The following COL9A2 variants were observed in gnomAD, a reference collection of about 807,000 sequenced individuals.
The protein encoded by COL9A2 is collagen alpha-2(IX) chain.
In COL9A2, 66 loss-of-function variants were observed where a neutral mutation model predicts 111.6. That is an observed-to-expected ratio of 0.59 (90% CI 0.48 to 0.73). The LOEUF (loss-of-function observed/expected upper bound fraction) is 0.73, where lower values mean the gene tolerates loss of function less well. Ranked by LOEUF, COL9A2 falls within the 30% of genes least tolerant of loss-of-function variation. The pLI, the probability that COL9A2 is intolerant of heterozygous loss-of-function variation, is 0.00. For synonymous variants in COL9A2, 353 were observed against 364.1 expected (o/e 0.97, Z 0.35); for missense variants, 881 against 954.1 (o/e 0.92, Z 1.01).
Position 40,311,575 on chromosome 1 carries a change from G to A in COL9A2, c.472-28C>T. ...GAGAGGAGACATGAAGATGGAGCTT[G>A]GCCTGACCCTTTCCCGCCGCAGGCT... On this transcript the variant is annotated intron_variant, in intron 9 of 31. Transcript: ENST00000372748. The surrounding 1 kb of genome is among the most constrained non-coding windows in gnomAD (Gnocchi z 5.1). The A allele has an allele frequency of 6.2e-7, 1 of 1,613,850 alleles. No individual in the cohort carries two copies. Among genetic ancestry groups the A allele is most frequent in the Non-Finnish European group, 8.5e-7 (1 of 1,179,936 alleles).
In COL9A2 at chr1:40,314,811, G is replaced by A. The variant is rs1048612817; in HGVS notation, c.151-424C>T. Among the ~76,000 whole-genome samples, 3 of 152,154 alleles carry A rather than the reference G, an allele frequency of 2.0e-5. No homozygotes were observed. The highest frequency in any genetic ancestry group is 7.2e-5 in the African/African-American group (3 of 41,446). On this transcript the variant is annotated intron_variant, in intron 2 of 31. Coordinates refer to ENST00000372748, the MANE Select transcript of COL9A2 (RefSeq NM_001852.4). The surrounding 1 kb of genome is among the most constrained non-coding windows in gnomAD (Gnocchi z 4.1). Reference sequence around the variant, plus strand: ...AGCTCTATTCCAGACTGCAGGGCAGGAGAACGGGAAGCTGAGCCAGTGGCA... The same window carrying A: ...AGCTCTATTCCAGACTGCAGGGCAGAAGAACGGGAAGCTGAGCCAGTGGCA...
chr1:40,313,592 G>A (rs1370463905), intron 4 of COL9A2, among the ~76,000 whole-genome samples: 6 of 152,182 alleles, frequency 3.9e-5, no homozygotes, highest in Non-Finnish European at 8.8e-5. Flanking sequence ...GAGTTTGAAG[G>A]GGTCCTGGTG....
chr1:40,314,466 G>T lies in COL9A2; in HGVS notation c.151-79C>A, dbSNP rs965446682. ...GGGCACACACAGGCCCTGGCAGGCC[G>T]CTCCCAAAGGCTCTCCTCACTCTCC... is the stretch of plus-strand genomic sequence containing the variant. On this transcript the variant is annotated intron_variant, in intron 2 of 31. Transcript: ENST00000372748. The surrounding 1 kb of genome is among the most constrained non-coding windows in gnomAD (Gnocchi z 4.1). 5.9e-6 allele frequency: 9 copies of T among 1,524,668 alleles called. No individual in the cohort carries two copies. In the African/African-American group the frequency reaches 9.6e-5, roughly 16 times the overall value. 94.4% of individuals were successfully genotyped at this position (1,524,668 alleles called of 1,614,324 possible).
In COL9A2 at chr1:40,311,555, G is replaced by A. The variant is rs773140717; in HGVS notation, c.472-8C>T. On this transcript the variant is annotated splice_polypyrimidine_tract_variant and splice_region_variant and intron_variant, in intron 9 of 31. Transcript: ENST00000372748. This position sits in a 1 kb window ranked among gnomAD's most constrained non-coding sequence, Gnocchi z 5.1. Reference sequence around the variant, plus strand: ...GATGGTTCCCGGGCGACCCTGAGAGGAGACATGAAGATGGAGCTTGGCCTG... The same window carrying A: ...GATGGTTCCCGGGCGACCCTGAGAGAAGACATGAAGATGGAGCTTGGCCTG... 2 of 1,613,914 alleles carry A rather than the reference G, an allele frequency of 1.2e-6. No homozygotes were observed. Among genetic ancestry groups the A allele is most frequent in the Admixed American group, 1.7e-5 (1 of 60,010 alleles).
rs1475617561 is a variant in COL9A2 at position 40,307,622 on chromosome 1, G to A, written c.954+81C>T. ...AAGAAAGGGCATGTCCATGACCTGA[G>A]GACCCCAGGCTCTTGGTGTCTAGAA... On this transcript the variant is annotated intron_variant, in intron 18 of 31. Coordinates refer to ENST00000372748, the MANE Select transcript of COL9A2 (RefSeq NM_001852.4). The surrounding 1 kb of genome is among the most constrained non-coding windows in gnomAD (Gnocchi z 4.8). 4.4e-6 allele frequency: 7 copies of A among 1,589,076 alleles called. No individual in the cohort carries two copies. The African/African-American group carries it at 8.1e-5, about 18-fold the overall frequency.
chr1:40,311,626 T>C lies in COL9A2; in HGVS notation c.471+36A>G, dbSNP rs781504571. On this transcript the variant is annotated intron_variant, in intron 9 of 31. Coordinates refer to ENST00000372748, the MANE Select transcript of COL9A2 (RefSeq NM_001852.4). The surrounding 1 kb of genome is among the most constrained non-coding windows in gnomAD (Gnocchi z 5.1). ...TGCTCAAAGACCCTTCTCCTTCCCC[T>C]GCACTTTGCCATGTCGGGGGTCTGG... is the stretch of plus-strand genomic sequence containing the variant. 1 of 1,613,538 alleles carries C rather than the reference T, an allele frequency of 6.2e-7. No individual in the cohort carries two copies. Among genetic ancestry groups the C allele is most frequent in the African/African-American group, 1.3e-5 (1 of 75,008 alleles).
rs962801227 is a variant in COL9A2 at position 40,316,901 on chromosome 1, G to C, written c.75+222C>G. On this transcript the variant is annotated intron_variant, in intron 1 of 31. Coordinates refer to ENST00000372748, the MANE Select transcript of COL9A2 (RefSeq NM_001852.4). This position sits in a 1 kb window ranked among gnomAD's most constrained non-coding sequence, Gnocchi z 5.5. ...TGTCCCGGGCCGGGCCGCGCGTCTGGGGACGGGTCCCGTTTGACTCTCCGG... is the reference window on the plus strand; with the variant it reads ...TGTCCCGGGCCGGGCCGCGCGTCTGCGGACGGGTCCCGTTTGACTCTCCGG... Among the ~76,000 whole-genome samples the C allele has an allele frequency of 1.3e-5, 2 of 152,168 alleles. No individual in the cohort carries two copies. Among genetic ancestry groups the C allele is most frequent in the Admixed American group, 6.5e-5 (1 of 15,292 alleles).
chr1:40,309,222 A>T (rs1321923304), intron 16 of COL9A2, among the ~76,000 whole-genome samples: 1 of 152,196 alleles, frequency 6.6e-6, no homozygotes, highest in African/African-American at 2.4e-5. Context: ...CCTGGGCAAC[A>T]AGAATAAAAC....
In COL9A2 at chr1:40,304,380, C is replaced by T. The variant is rs1340990569; in HGVS notation, c.1227G>A (p.Gly409=). ...CTGGAATTCCGGGGGGGCCCTGCTC[C>T]CCCTTAGGGCCCTGAGGAGAAAAGA... ...PGPQGRQGPK[G]EQGPPGIPGP... The change falls in exon 24 of 32, where the codon GGG becomes GGA. Residue 409 remains glycine (G), a synonymous_variant. Coordinates refer to ENST00000372748, the MANE Select transcript of COL9A2 (RefSeq NM_001852.4). 2 of 1,595,024 alleles carry T rather than the reference C, an allele frequency of 1.3e-6. No individual in the cohort carries two copies. The highest frequency in any genetic ancestry group is 1.8e-5 in the Admixed American group (1 of 56,616).
At chr1:40,308,342 C>T (rs1336368916) in intron 16 of COL9A2, 97 bp from the exon 17 acceptor site, 2 of 1,298,440 alleles carry the variant, frequency 1.5e-6, no homozygotes, top group East Asian at 2.5e-5. Context: ...CCTCTAGGTC[C>T]CAGAGTTCCT....
At position 40,310,647 on chromosome 1, in the gene COL9A2, GGAA is replaced by G; in HGVS notation, c.684+64_684+66del. The G allele has an allele frequency of 7.3e-7, 1 of 1,362,244 alleles. No homozygotes were observed. The highest frequency in any genetic ancestry group is 1.8e-4 in the Middle Eastern group (1 of 5,428). 84.4% of individuals were successfully genotyped at this position (1,362,244 alleles called of 1,614,324 possible). A position where few individuals can be genotyped will look rare whatever the true frequency, so the allele number is the denominator to read the frequency against. On this transcript the variant is annotated intron_variant, in intron 13 of 31. Coordinates refer to ENST00000372748, the MANE Select transcript of COL9A2 (RefSeq NM_001852.4). The surrounding 1 kb of genome is among the most constrained non-coding windows in gnomAD (Gnocchi z 4.9). ...TTTACAAGCTAGAGGCCTGAGCAGG[GGAA>G]TGACTCCATGAAGGGCTCCTGGGGT...
At chr1:40,304,573 G>T (rs1198880023) in intron 22 of COL9A2, 44 bp from the exon 23 acceptor site, 1 of 1,610,708 alleles carries the variant, frequency 6.2e-7, no homozygotes, top group African/African-American at 1.3e-5. Context: ...GCTCTCAGCA[G>T]GGGTAGCCTC....
chr1:40,305,061 CTT>C (rs869251364), intron 21 of COL9A2: 4,929 of 121,924 alleles, frequency 0.04, 3 homozygotes, highest in South Asian at 0.088. Context: ...TTCTTTCTTT[CTT>C]TTTTTTTTTT....
At chr1:40,308,270 C>T in intron 16 of COL9A2, 25 bp from the exon 17 acceptor site, 2 of 1,610,368 alleles carry the variant, frequency 1.2e-6, no homozygotes, top group African/African-American at 2.7e-5. Flanking sequence ...GAGATCAGGT[C>T]ACCCTCAGGA....
rs1338350841 is a variant in COL9A2 at position 40,300,502 on chromosome 1, C to T, written c.*680G>A. The T allele has an allele frequency of 6.6e-6, 1 of 152,258 alleles. No individual in the cohort carries two copies. Among genetic ancestry groups the T allele is most frequent in the African/African-American group, 2.4e-5 (1 of 41,438 alleles). 9.4% of individuals were successfully genotyped at this position (152,258 alleles called of 1,614,324 possible). A position where few individuals can be genotyped will look rare whatever the true frequency, so the allele number is the denominator to read the frequency against. ...ACAACTCCTCTATCCTAGTTAACTC[C>T]AGGATAGAGTAACTCCAATATCCTG... is the stretch of plus-strand genomic sequence containing the variant. On this transcript the variant is annotated 3_prime_UTR_variant, in exon 32 of 32. Transcript: ENST00000372748. This position sits in a 1 kb window ranked among gnomAD's most constrained non-coding sequence, Gnocchi z 4.4.
At position 40,309,976 on chromosome 1, in the gene COL9A2, T is replaced by C. The variant is rs1644093797; in HGVS notation, c.808A>G (p.Arg270Gly). 8 of 1,614,062 alleles carry C rather than the reference T, an allele frequency of 5.0e-6. No individual in the cohort carries two copies. The highest frequency in any genetic ancestry group is 6.8e-6 in the Non-Finnish European group (8 of 1,179,992). The change falls in exon 16 of 32, where the codon AGG (arginine) becomes GGG (glycine). Residue 270 changes from arginine to glycine, a missense_variant. Physicochemically the swap from Arg to Gly is moderately radical, Grantham distance 125 (BLOSUM62 -2). Transcript: ENST00000372748. ...TCCCCAGCTCGGCCTGGCGGTCCCC[T>C]AGGACCTTCCTCACCCTGGCAAGAA... Reference protein sequence around the residue: ...ATGPPGEEGPRGPPGRAGEKG... With the variant: ...ATGPPGEEGPGGPPGRAGEKG...
intron 20 of COL9A2, 113 bp downstream of exon 20, chr1:40,306,030 A>C: frequency 7.8e-7 from 1 of 1,277,924 alleles, no homozygotes; most frequent in Non-Finnish European, 1.1e-6. Flanking sequence ...GTTAGGCCCA[A>C]GGGGCTTATG....
rs375071616 is a variant in COL9A2 at position 40,303,085 on chromosome 1, G to A, written c.1603+46C>T. 1.1e-5 allele frequency: 17 copies of A among 1,586,212 alleles called. No homozygotes were observed. Among genetic ancestry groups the A allele is most frequent in the Admixed American group, 3.5e-5 (2 of 57,634 alleles). On this transcript the variant is annotated intron_variant, in intron 29 of 31. Transcript: ENST00000372748. The surrounding 1 kb of genome is among the most constrained non-coding windows in gnomAD (Gnocchi z 4.6). ...AGGCTCCGGGAGGGGGTGAGGGGGCGGCGATGCCCTCGAACTGACTGTGAG... is the reference window on the plus strand; with the variant it reads ...AGGCTCCGGGAGGGGGTGAGGGGGCAGCGATGCCCTCGAACTGACTGTGAG...
chr1:40,302,610 G>C lies in COL9A2; in HGVS notation c.1792+11C>G, dbSNP rs1280864578. 1.3e-6 allele frequency: 2 copies of C among 1,594,920 alleles called. No individual in the cohort carries two copies. The highest frequency in any genetic ancestry group is 1.3e-5 in the African/African-American group (1 of 74,398). ...GCCTGGCCCCCATGCCCACCGCAGA[G>C]GAGCACTCACCCTTGGGCCCCGTGT... On this transcript the variant is annotated intron_variant, in intron 30 of 31. Coordinates refer to ENST00000372748, the MANE Select transcript of COL9A2 (RefSeq NM_001852.4). This position sits in a 1 kb window ranked among gnomAD's most constrained non-coding sequence, Gnocchi z 4.5.
Sources: allele counts gnomAD v4.1 joint callset (sites outside exome capture counted in the v4.1 genomes callset), GRCh38; gene constraint gnomAD v4.1.1; non-coding constraint Gnocchi (gnomAD v3.1); transcripts MANE v1.5; gene names NCBI Gene and HGNC (gene_info 2026-07-23, HGNC 2026-07-21).